The following PLEKHA7 variants were observed in gnomAD, a reference collection of about 807,000 sequenced individuals.
PLEKHA7 encodes pleckstrin homology domain containing A7, also known as pleckstrin homology domain-containing family A member 7.
Under a neutral mutation model 170.0 loss-of-function variants are expected in PLEKHA7, and 104 were observed. That is an observed-to-expected ratio of 0.61 (90% CI 0.52 to 0.72). PLEKHA7 has a LOEUF of 0.72. Among genes scored for constraint, PLEKHA7 ranks in the 30% least tolerant of loss-of-function variants. The pLI is 0.00. For missense variants in PLEKHA7, 1,615 were observed against 1,671.7 expected (o/e 0.97, Z 0.59); for synonymous variants, 648 against 660.8 (o/e 0.98, Z 0.30).
chr11:16,978,456 T>C (rs1034270667), intron 3 of PLEKHA7, among the ~76,000 whole-genome samples: 6 of 152,166 alleles, frequency 3.9e-5, no homozygotes, highest in Non-Finnish European at 5.9e-5. Flanking sequence ...AACCCAACCA[T>C]GATGGGCTTT....
At chr11:16,856,649 C>T (rs932018905) in intron 4 of PLEKHA7, among the ~76,000 whole-genome samples, 1 of 152,216 alleles carries the variant, frequency 6.6e-6, no homozygotes, top group African/African-American at 2.4e-5. Context: ...TCTCTGGGAG[C>T]ATCTCAGTGC....
At chr11:16,793,825 C>T (rs1221044040) in intron 19 of PLEKHA7, among the ~76,000 whole-genome samples, 1 of 152,198 alleles carries the variant, frequency 6.6e-6, no homozygotes, top group Non-Finnish European at 1.5e-5. Flanking sequence ...GGCCACAGAC[C>T]GGATCTGGGA....
intron 10 of PLEKHA7, among the ~76,000 whole-genome samples, chr11:16,822,041 C>T (rs1159432104): frequency 2.6e-5 from 4 of 151,714 alleles, no homozygotes; most frequent in African/African-American, 7.3e-5. Context: ...CCCTCCCCAC[C>T]CACCTCTCAT....
In PLEKHA7 at chr11:16,835,566, T is replaced by G. The variant is rs1275943595; in HGVS notation, c.872+5981A>C. ...CTGTCAAAGCAAATCCTATGGAAGT[T>G]AATACAGCTGATAGGGAGCACCTAC... On this transcript the variant is annotated intron_variant, in intron 9 of 26. Transcript: ENST00000531066. Among the ~76,000 whole-genome samples, 4 of 152,164 alleles carry G rather than the reference T, an allele frequency of 2.6e-5. No homozygotes were observed. The East Asian group carries it at 5.8e-4, about 22-fold the overall frequency.
chr11:16,791,230 A>G lies in PLEKHA7; in HGVS notation c.2746-31T>C. ...GAGAAAGAGAACCAGACCAGTGGTCAGCGAGACGGAGCTGGAGGGAGGACT... is the reference window on the plus strand; with the variant it reads ...GAGAAAGAGAACCAGACCAGTGGTCGGCGAGACGGAGCTGGAGGGAGGACT... On this transcript the variant is annotated intron_variant, in intron 19 of 26. Transcript: ENST00000531066. The surrounding 1 kb of genome is among the most constrained non-coding windows in gnomAD (Gnocchi z 4.5). 2 of 1,546,550 alleles carry G rather than the reference A, an allele frequency of 1.3e-6. No homozygotes were observed. The highest frequency in any genetic ancestry group is 8.7e-7 in the Non-Finnish European group (1 of 1,144,802).
Position 16,817,913 on chromosome 11 carries a change from TAA to T in PLEKHA7, c.1344-593_1344-592del, listed in dbSNP as rs1849894781. ...CCATGGCTCCTTGTCCCTTCTGAAA[TAA>T]AGTCTAAACTCCTCAGCCTGGTACT... is the stretch of plus-strand genomic sequence containing the variant. On this transcript the variant is annotated intron_variant, in intron 10 of 26. Coordinates refer to ENST00000531066, the MANE Select transcript of PLEKHA7 (RefSeq NM_001329630.2). This position sits in a 1 kb window ranked among gnomAD's most constrained non-coding sequence, Gnocchi z 4.4. 1.3e-5 allele frequency among the ~76,000 whole-genome samples: 2 copies of T among 152,178 alleles called. No homozygotes were observed. The highest frequency in any genetic ancestry group is 4.1e-4 in the South Asian group (2 of 4,828).
intron 3 of PLEKHA7, among the ~76,000 whole-genome samples, chr11:16,959,182 C>T (rs1861892008): frequency 6.6e-6 from 1 of 151,866 alleles, no homozygotes; most frequent in Admixed American, 6.6e-5. Context: ...ATTTCATCAC[C>T]CAGGTATTAG....
At chr11:16,946,414 G>A (rs1466465235) in intron 3 of PLEKHA7, among the ~76,000 whole-genome samples, 1 of 152,134 alleles carries the variant, frequency 6.6e-6, no homozygotes, top group Non-Finnish European at 1.5e-5. Flanking sequence ...CTATGACCAG[G>A]CAGGATTATA....
chr11:16,976,785 A>C (rs1378233451), intron 3 of PLEKHA7, among the ~76,000 whole-genome samples: 1 of 152,200 alleles, frequency 6.6e-6, no homozygotes, highest in Non-Finnish European at 1.5e-5. Flanking sequence ...CTCATAGGAC[A>C]TTTACTTTTA....
chr11:16,942,040 G>A (rs1015889773), intron 3 of PLEKHA7, among the ~76,000 whole-genome samples: 56 of 152,280 alleles, frequency 3.7e-4, no homozygotes, highest in African/African-American at 1.2e-3. Flanking sequence ...GTTTACTCAC[G>A]CGTAAGTTCT....
At chr11:16,980,395 C>T (rs1863353310) in intron 3 of PLEKHA7, among the ~76,000 whole-genome samples, 1 of 152,302 alleles carries the variant, frequency 6.6e-6, no homozygotes, top group Admixed American at 6.5e-5. Context: ...GGCAAGTGGG[C>T]TCTCCACAGG....
chr11:16,938,235 C>A (rs1285384789), intron 3 of PLEKHA7, among the ~76,000 whole-genome samples: 2 of 152,052 alleles, frequency 1.3e-5, no homozygotes, highest in Admixed American at 1.3e-4. Flanking sequence ...GAACAGGGTG[C>A]CCTTTGTGTC....
chr11:16,889,420 A>AAATATATATAT (rs61086849), intron 3 of PLEKHA7, among the ~76,000 whole-genome samples: 2 of 74,686 alleles, frequency 2.7e-5, no homozygotes, highest in African/African-American at 1.3e-4. Context: ...AAAAAAAAAA[A>AAATATATATAT]ATATATATAT....
At chr11:16,930,996 C>A (rs745909700) in intron 3 of PLEKHA7, among the ~76,000 whole-genome samples, 1 of 152,086 alleles carries the variant, frequency 6.6e-6, no homozygotes, top group Non-Finnish European at 1.5e-5. Context: ...GCACCTGGCA[C>A]CTAGGGGCCA....
intron 3 of PLEKHA7, among the ~76,000 whole-genome samples, chr11:16,946,007 G>A (rs1156323539): frequency 1.3e-5 from 2 of 152,186 alleles, no homozygotes; most frequent in African/African-American, 4.8e-5. Flanking sequence ...TGCTCATGAG[G>A]GAGCCACAGA....
intron 3 of PLEKHA7, among the ~76,000 whole-genome samples, chr11:16,992,931 A>G (rs1442781260): frequency 6.6e-6 from 1 of 152,162 alleles, no homozygotes; most frequent in Admixed American, 6.5e-5. Flanking sequence ...TGGTCACAGA[A>G]AAGTGCCTCA....
chr11:16,920,849 A>T (rs1008986315), intron 3 of PLEKHA7, among the ~76,000 whole-genome samples: 3 of 152,186 alleles, frequency 2.0e-5, no homozygotes, highest in African/African-American at 7.2e-5. Flanking sequence ...CTAGAGCCTC[A>T]CCCGTGGTAT....
chr11:16,865,909 C>T (rs1854351035), intron 4 of PLEKHA7, among the ~76,000 whole-genome samples: 2 of 151,930 alleles, frequency 1.3e-5, no homozygotes, highest in Non-Finnish European at 2.9e-5. Context: ...ATGATTTCAG[C>T]TCACTGCAAC....
At position 16,950,233 on chromosome 11, in the gene PLEKHA7, G is replaced by A. The variant is rs149400251; in HGVS notation, c.221+63756C>T. Among the ~76,000 whole-genome samples, 782 of 152,176 alleles carry A rather than the reference G, an allele frequency of 5.1e-3. 3 individuals carry two copies. Among genetic ancestry groups the A allele is most frequent in the Non-Finnish European group, 6.9e-3 (467 of 68,012 alleles). The stretch of plus-strand genomic sequence containing the variant: ...CTAGAATCTGTGAGGCAAGAAAATA[G>A]AACCAATGGGCATGGACATGAATAT... On this transcript the variant is annotated intron_variant, in intron 3 of 26. Transcript: ENST00000531066.
Sources: allele counts gnomAD v4.1 joint callset (sites outside exome capture counted in the v4.1 genomes callset), GRCh38; gene constraint gnomAD v4.1.1; non-coding constraint Gnocchi (gnomAD v3.1); transcripts MANE v1.5; gene names NCBI Gene and HGNC (gene_info 2026-07-23, HGNC 2026-07-21).